NLRP11: variants seen among roughly 807,000 people sequenced by gnomAD.
NLRP11 encodes NACHT, LRR and PYD domains-containing protein 11.
Under a neutral mutation model 79.3 loss-of-function variants are expected in NLRP11, and 53 were observed. That is an observed-to-expected ratio of 0.67 (90% CI 0.54 to 0.84). The LOEUF is 0.84. Among genes scored for constraint, NLRP11 ranks in the 40% least tolerant of loss-of-function variants. The pLI is 0.00. For synonymous variants in NLRP11, 518 were observed against 462.6 expected (o/e 1.12, Z -1.54); for missense variants, 1,264 against 1,255.0 (o/e 1.01, Z -0.11).
chr19:55,807,279 G>A (rs187404515), intron 4 of NLRP11, among the ~76,000 whole-genome samples: 53 of 152,164 alleles, frequency 3.5e-4, no homozygotes, highest in African/African-American at 1.3e-3. Flanking sequence ...TTCCTATAGA[G>A]CTATTATAAA....
At chr19:55,790,175 C>T (rs979388038) in intron 7 of NLRP11, among the ~76,000 whole-genome samples, 12 of 152,206 alleles carry the variant, frequency 7.9e-5, no homozygotes, top group African/African-American at 2.4e-4. Flanking sequence ...ACCCTACCCT[C>T]AGCACTCCTG....
intron 1 of NLRP11, among the ~76,000 whole-genome samples, chr19:55,819,354 G>A (rs1356414180): frequency 6.6e-6 from 1 of 152,090 alleles, no homozygotes; most frequent in African/African-American, 2.4e-5. Context: ...GTGTGCAACT[G>A]CCACCCCTTG....
intron 6 of NLRP11, among the ~76,000 whole-genome samples, chr19:55,793,758 T>C (rs1010520396): frequency 1.3e-5 from 2 of 152,006 alleles, no homozygotes; most frequent in Admixed American, 6.6e-5. Flanking sequence ...AAAATGTATA[T>C]GTAGTTATTT....
chr19:55,829,079 G>A (rs1011660434), intron 1 of NLRP11, among the ~76,000 whole-genome samples: 9 of 152,152 alleles, frequency 5.9e-5, no homozygotes, highest in African/African-American at 2.2e-4. Flanking sequence ...ATCAATTTAA[G>A]AAGCATTGCA....
At chr19:55,814,351 TAATAGA>T (rs1223322017) in intron 2 of NLRP11, among the ~76,000 whole-genome samples, 1 of 152,096 alleles carries the variant, frequency 6.6e-6, no homozygotes, top group African/African-American at 2.4e-5. Context: ...TATTACAATG[TAATAGA>T]AATAAAGTAC....
chr19:55,803,929 A>G (rs746890041), intron 4 of NLRP11, among the ~76,000 whole-genome samples: 1 of 152,152 alleles, frequency 6.6e-6, no homozygotes, highest in African/African-American at 2.4e-5. Context: ...CAAAAATACA[A>G]AAAATTAGCC....
At chr19:55,812,719 G>A (rs565331176) in intron 2 of NLRP11, among the ~76,000 whole-genome samples, 185 of 152,160 alleles carry the variant, frequency 1.2e-3, no homozygotes, top group African/African-American at 4.4e-3. Context: ...AACTACCCTA[G>A]GACCCTGAAG....
chr19:55,785,443 T>C (rs759017621), exon 10 of NLRP11: 3 of 588,446 alleles, frequency 5.1e-6, no homozygotes, highest in Non-Finnish European at 8.9e-6. Flanking sequence ...ATAATCCTTT[T>C]AATACTCTTG....
chr19:55,822,752 G>C (rs371109978), intron 1 of NLRP11, among the ~76,000 whole-genome samples: 3 of 151,966 alleles, frequency 2.0e-5, no homozygotes, highest in Non-Finnish European at 4.4e-5. Context: ...CACCTGGCTC[G>C]GAGGGTCCTA....
intron 2 of NLRP11, among the ~76,000 whole-genome samples, chr19:55,811,236 A>G (rs1455312894): frequency 1.3e-5 from 2 of 152,190 alleles, no homozygotes; most frequent in Non-Finnish European, 2.9e-5. Context: ...TTGAGAATAC[A>G]CAAGATTGCA....
At chr19:55,818,170 G>C in exon 2 of NLRP11, 1 of 1,610,364 alleles carries the variant, frequency 6.2e-7, no homozygotes, top group Non-Finnish European at 8.5e-7. Context: ...ATCCGATTCT[G>C]CCATCTTGCT....
At position 55,796,101 on chromosome 19, in the gene NLRP11, T is replaced by C. The variant is rs139600209; in HGVS notation, c.2321A>G (p.Asn774Ser). The C allele has an allele frequency of 2.3e-4, 379 of 1,613,616 alleles. No homozygotes were observed. Among genetic ancestry groups the C allele is most frequent in the Non-Finnish European group, 3.1e-4 (364 of 1,179,702 alleles). The change falls in exon 6 of 10, where the codon AAC (asparagine) becomes AGC (serine). Residue 774 changes from asparagine (N) to serine (S), a missense_variant. Asn to Ser is a conservative substitution (Grantham distance 46). Transcript: ENST00000589093. ...TTACACCAGTGATATAAGAGTGCAG[T>C]TGGGATGAAGCAAGGCATCACACAG...
At chr19:55,800,321 T>C (rs1178080965) in intron 5 of NLRP11, among the ~76,000 whole-genome samples, 1 of 152,202 alleles carries the variant, frequency 6.6e-6, no homozygotes, top group Non-Finnish European at 1.5e-5. Context: ...TATTTATTTA[T>C]TGAGATGGAG....
At chr19:55,815,651 A>G (rs920491226) in intron 2 of NLRP11, among the ~76,000 whole-genome samples, 2 of 152,238 alleles carry the variant, frequency 1.3e-5, no homozygotes, top group Non-Finnish European at 2.9e-5. Context: ...ACAATATTAA[A>G]AAGGAGTGGC....
chr19:55,788,927 A>G, exon 9 of NLRP11: 1 of 1,614,042 alleles, frequency 6.2e-7, no homozygotes, highest in African/African-American at 1.3e-5. Context: ...GGTGGTAAGA[A>G]CAGAGGCAAG....
chr19:55,796,906 C>A (rs1978965434), intron 5 of NLRP11, among the ~76,000 whole-genome samples: 1 of 152,106 alleles, frequency 6.6e-6, no homozygotes, highest in Non-Finnish European at 1.5e-5. Flanking sequence ...CCAGGCTGGT[C>A]TTGAACTCCC....
In NLRP11 at chr19:55,800,358, C is replaced by T. The variant is rs537618894; in HGVS notation, c.2171+1214G>A. Among the ~76,000 whole-genome samples the T allele has an allele frequency of 8.8e-4, 134 of 152,228 alleles. 1 individual carries two copies. The highest frequency in any genetic ancestry group is 4.6e-3 in the South Asian group (22 of 4,810). ...TTTGCTCTTGTTGCCCAGGCTGGAA[C>T]GTGCAGCGGCGCCATCTCAGCTCAC... is the stretch of plus-strand genomic sequence containing the variant. On this transcript the variant is annotated intron_variant, in intron 5 of 9. Transcript: ENST00000589093.
At chr19:55,797,172 G>A (rs888716408) in intron 5 of NLRP11, among the ~76,000 whole-genome samples, 26 of 152,086 alleles carry the variant, frequency 1.7e-4, no homozygotes, top group African/African-American at 5.1e-4. Flanking sequence ...GGTGGTGCAC[G>A]ACTATAGTCC....
intron 5 of NLRP11, among the ~76,000 whole-genome samples, chr19:55,800,155 C>G (rs73618837): frequency 6.6e-6 from 1 of 151,918 alleles, no homozygotes; most frequent in Non-Finnish European, 1.5e-5. Context: ...AGAGTACAAG[C>G]GAAATGTACT....
Sources: gnomAD v4.1 joint callset for allele counts (sites outside exome capture counted in the v4.1 genomes callset) on GRCh38, gnomAD v4.1.1 for gene constraint, MANE v1.5 for transcripts, NCBI Gene and HGNC (gene_info 2026-07-23, HGNC 2026-07-21) for gene names.